Variants in RAB40B observed in about 807,000 individuals in gnomAD.
RAB40B encodes ras-related protein Rab-40B.
A neutral mutation model predicts 24.0 loss-of-function variants in RAB40B; 21 were observed. The ratio of observed to expected loss-of-function variants is 0.88; its 90% CI spans 0.62 to 1.26. The LOEUF (loss-of-function observed/expected upper bound fraction) is 1.26. Among genes scored for constraint, RAB40B ranks in the 50% most tolerant of loss-of-function variants. The pLI is 0.00. For synonymous variants in RAB40B, 167 were observed against 169.8 expected, an observed-to-expected ratio of 0.98 and a Z score of 0.13; for missense variants, 348 against 390.5, an observed-to-expected ratio of 0.89 and a Z score of 0.92.
intron 2 of RAB40B, 106 bp from the exon 3 acceptor site, chr17:82,661,153 G>A (rs2046167058): frequency 1.3e-6 from 2 of 1,513,778 alleles, no homozygotes; most frequent in African/African-American, 1.4e-5. Flanking sequence ...CCGCCAGTCA[G>A]CAGCCACCAC....
chr17:82,662,450 G>A (rs1218010565), intron 2 of RAB40B: 3 of 985,344 alleles, frequency 3.0e-6, no homozygotes, highest in Non-Finnish European at 3.6e-6. Flanking sequence ...GGGACAACGT[G>A]CCGGCCTCCT....
intron 2 of RAB40B, chr17:82,662,376 C>T: frequency 1.0e-6 from 1 of 985,476 alleles, no homozygotes; most frequent in Non-Finnish European, 1.2e-6. Flanking sequence ...CGCAGGGAGG[C>T]CGAAGGGCCA....
rs543280681 is a variant in RAB40B, at chr17:82,656,890, T to G, written c.*973A>C. The G allele has an allele frequency of 1.4e-4, 21 of 152,552 alleles. No homozygotes were observed. Among genetic ancestry groups the G allele is most frequent in the African/African-American group, 5.1e-4 (21 of 41,560 alleles). 9.4% of individuals were successfully genotyped at this position (152,552 alleles called of 1,614,324 possible). On this transcript the variant is annotated 3_prime_UTR_variant, in exon 6 of 6. Coordinates refer to ENST00000571995, the MANE Select transcript of RAB40B (RefSeq NM_006822.3). ...TTAGCCGGGCGTGGTGGTGCACCTCTGTAATCCCAGCTACTCGGGAGGCTG... is the reference window on the plus strand; with the variant it reads ...TTAGCCGGGCGTGGTGGTGCACCTCGGTAATCCCAGCTACTCGGGAGGCTG...
At chr17:82,683,819 A>AAAG (rs1568042495) in intron 1 of RAB40B, among the ~76,000 whole-genome samples, 6 of 147,920 alleles carry the variant, frequency 4.1e-5, no homozygotes, top group African/African-American at 7.7e-5. Flanking sequence ...AAAAAAAAAA[A>AAAG]AAAAGAAAAG....
chr17:82,672,295 A>T, intron 1 of RAB40B, among the ~76,000 whole-genome samples: 1 of 88,080 alleles, frequency 1.1e-5, no homozygotes, highest in Non-Finnish European at 2.5e-5. Context: ...ACACAAACTC[A>T]CACGCTCCCT....
intron 1 of RAB40B, among the ~76,000 whole-genome samples, chr17:82,687,800 G>A (rs927016393): frequency 3.3e-5 from 5 of 152,300 alleles, no homozygotes; most frequent in East Asian, 1.9e-4. Context: ...AGCCAGGCGC[G>A]GTGGCTCATG....
chr17:82,683,168 C>A (rs1182127456), intron 1 of RAB40B, among the ~76,000 whole-genome samples: 1 of 151,796 alleles, frequency 6.6e-6, no homozygotes, highest in South Asian at 2.1e-4. Flanking sequence ...AACAAACAAA[C>A]AAAAAAACCC....
rs1323727688 is a variant in RAB40B, at chr17:82,659,615, C to G, written c.307G>C (p.Asp103His). ...TCCTTAATCCATCGATCAATGCCGT[C>G]AAAAGACCAGCGGTTCGCAATGTCA... Reference protein sequence around the residue: ...VYDIANRWSFDGIDRWIKEID... With the variant: ...VYDIANRWSFHGIDRWIKEID... Residue 103 changes from aspartate to histidine, a missense_variant, in exon 4 of 6, where the codon GAC becomes CAC. Asp to His is a moderately conservative substitution (Grantham distance 81). Coordinates refer to ENST00000571995, the MANE Select transcript of RAB40B (RefSeq NM_006822.3). 1 of 1,614,176 alleles carries G rather than the reference C, an allele frequency of 6.2e-7. No homozygotes were observed. The highest frequency in any genetic ancestry group is 1.7e-5 in the Admixed American group (1 of 60,022).
At position 82,658,616 on chromosome 17, in the gene RAB40B, C is replaced by G. The variant is rs757394847; in HGVS notation, c.440G>C (p.Arg147Pro). ...PTEQAQAYAE[R>P]LGVTFFEVSP... ...GACCTCAAAGAAGGTCACGCCCAGGCGCTCGGCGTAGGCCTGGGCCTGCTC... is the reference window on the plus strand; with the variant it reads ...GACCTCAAAGAAGGTCACGCCCAGGGGCTCGGCGTAGGCCTGGGCCTGCTC... The change falls in exon 5 of 6, where the codon CGC (arginine) becomes CCC (proline). Residue 147 changes from arginine to proline, a missense_variant. Arg to Pro is a moderately radical substitution (Grantham distance 103, BLOSUM62 -2). Around this residue, in one of 3 missense-constraint regions of RAB40B, gnomAD observed 126 missense variants for 181.0 expected, o/e 0.70. Coordinates refer to ENST00000571995, the MANE Select transcript of RAB40B (RefSeq NM_006822.3). 3 of 1,613,276 alleles carry G rather than the reference C, an allele frequency of 1.9e-6. No homozygotes were observed. Among genetic ancestry groups the G allele is most frequent in the African/African-American group, 2.7e-5 (2 of 74,850 alleles).
intron 1 of RAB40B, among the ~76,000 whole-genome samples, chr17:82,683,805 CAAAAA>C (rs35145848): frequency 2.2e-5 from 2 of 90,798 alleles, no homozygotes; most frequent in Non-Finnish European, 2.2e-5. Flanking sequence ...ACCCTGTTTC[CAAAAA>C]AAAAAAAAAA....
rs372664626 is a variant in RAB40B at position 82,674,475 on chromosome 17, CAAAAA to C, written c.143-9924_143-9920del. Among the ~76,000 whole-genome samples, 5 of 142,292 alleles carry C rather than the reference CAAAAA, an allele frequency of 3.5e-5. No individual in the cohort carries two copies. In the East Asian group the frequency reaches 1.0e-3, roughly 29 times the overall value. The allele number at this position is 142,292 out of a possible 152,430, so 93.3% of individuals were successfully genotyped here. ...TGAAACCCCGTCTCTAGTAAAAATA[CAAAAA>C]AAAAAAAAATTAGCCGGGTGTGGTG... On this transcript the variant is annotated intron_variant, in intron 1 of 5. Coordinates refer to ENST00000571995, the MANE Select transcript of RAB40B (RefSeq NM_006822.3).
intron 1 of RAB40B, among the ~76,000 whole-genome samples, chr17:82,687,884 C>A (rs1413790438): frequency 6.6e-6 from 1 of 152,168 alleles, no homozygotes; most frequent in Non-Finnish European, 1.5e-5. Context: ...CAAGCCTGGG[C>A]GGCATAGCAA....
rs755867641 is a variant in RAB40B at position 82,658,022 on chromosome 17, C to T, written c.678G>A (p.Ser226=). 21 of 1,614,072 alleles carry T rather than the reference C, an allele frequency of 1.3e-5. No homozygotes were observed. In the South Asian group the frequency reaches 1.8e-4, roughly 14 times the overall value. Residue 226 remains serine (S), a synonymous_variant, in exon 6 of 6, where the codon TCG becomes TCA. Transcript: ENST00000571995. ...TCCTGGCATTCAGGCCGTTGGCCAT[C>T]GAGAAGGACTTGAGGTGGCTTCTTA... ...IALRSHLKSF[S]MANGLNARMM...
chr17:82,693,849 G>A (rs914793590), intron 1 of RAB40B, among the ~76,000 whole-genome samples: 2 of 151,872 alleles, frequency 1.3e-5, no homozygotes, highest in Non-Finnish European at 2.9e-5. Flanking sequence ...TTGGGAGGCC[G>A]AGGCGGGCAG....
chr17:82,660,809 TGAA>T (rs2046162208), intron 3 of RAB40B, among the ~76,000 whole-genome samples, 175 bp downstream of exon 3: 1 of 152,260 alleles, frequency 6.6e-6, no homozygotes, highest in Non-Finnish European at 1.5e-5. Context: ...GTAATACTGA[TGAA>T]GTCTTTCAAA....
chr17:82,685,874 G>T, intron 1 of RAB40B, among the ~76,000 whole-genome samples: 1 of 151,348 alleles, frequency 6.6e-6, no homozygotes. Context: ...TGCGATCTCA[G>T]CTCACTGCAA....
intron 1 of RAB40B, among the ~76,000 whole-genome samples, chr17:82,680,801 G>C (rs545569407): frequency 6.6e-6 from 1 of 152,064 alleles, no homozygotes; most frequent in Non-Finnish European, 1.5e-5. Flanking sequence ...GAAGGCTGAG[G>C]CAGTTGCATC....
intron 3 of RAB40B, among the ~76,000 whole-genome samples, chr17:82,660,253 G>C (rs62079718): frequency 0.032 from 4,828 of 151,246 alleles, 89 homozygotes; most frequent in Middle Eastern, 0.046. Flanking sequence ...GTGTGCACAT[G>C]CATGCACATA....
chr17:82,671,543 C>T (rs111171459), intron 1 of RAB40B, among the ~76,000 whole-genome samples: 5 of 124,878 alleles, frequency 4.0e-5, no homozygotes, highest in East Asian at 2.4e-4. Context: ...CACACTCACA[C>T]GCTCCCTGTA....
Sources: gnomAD v4.1 joint callset for allele counts (sites outside exome capture counted in the v4.1 genomes callset) on GRCh38, gnomAD v4.1.1 for gene constraint, gnomAD v4.1.1 regional missense constraint, MANE v1.5 for transcripts, NCBI Gene and HGNC (gene_info 2026-07-23, HGNC 2026-07-21) for gene names.